PRRX2: variants seen among roughly 807,000 people sequenced by gnomAD.
The protein encoded by PRRX2 is paired mesoderm homeobox protein 2.
A neutral mutation model predicts 18.0 loss-of-function variants in PRRX2; 11 were observed. The observed-to-expected ratio is 0.61, with a 90% CI of 0.39 to 1.01. PRRX2 has a LOEUF of 1.01. Among genes scored for constraint, PRRX2 ranks in the 50% least tolerant of loss-of-function variants. PRRX2 has a pLI of 0.01. For missense variants in PRRX2, 387 were observed against 351.0 expected (o/e 1.10, Z -0.82); for synonymous variants, 177 against 154.8 (o/e 1.14, Z -1.06).
chr9:129,666,649 G>A (rs1832030266), intron 1 of PRRX2, among the ~76,000 whole-genome samples: 1 of 147,078 alleles, frequency 6.8e-6, no homozygotes, highest in Non-Finnish European at 1.5e-5. Flanking sequence ...TTCCCCGGCA[G>A]AGGTCAAAGG....
intron 1 of PRRX2, among the ~76,000 whole-genome samples, chr9:129,712,643 GA>G (rs1832640616): frequency 6.6e-6 from 1 of 152,160 alleles, no homozygotes; most frequent in Non-Finnish European, 1.5e-5. Flanking sequence ...TTAAGGAGGA[GA>G]CAGCGCGAGA....
chr9:129,719,149 G>A, intron 1 of PRRX2, 82 bp from the exon 2 acceptor site: 4 of 1,344,248 alleles, frequency 3.0e-6, no homozygotes, highest in Non-Finnish European at 3.9e-6. Context: ...AGCACTCAGA[G>A]CAAACTGCAG....
chr9:129,708,755 G>A (rs780057008), intron 1 of PRRX2, among the ~76,000 whole-genome samples: 1 of 152,126 alleles, frequency 6.6e-6, no homozygotes, highest in Non-Finnish European at 1.5e-5. Context: ...GAAGATAAAG[G>A]GACCTGGCTT....
chr9:129,720,834 T>C, intron 3 of PRRX2, 60 bp downstream of exon 3: 2 of 1,454,838 alleles, frequency 1.4e-6, no homozygotes, highest in Non-Finnish European at 1.8e-6. Flanking sequence ...CAGAGGGCTT[T>C]TCCGGCCTGG....
At chr9:129,685,787 C>A (rs994465228) in intron 1 of PRRX2, among the ~76,000 whole-genome samples, 1 of 152,232 alleles carries the variant, frequency 6.6e-6, no homozygotes, top group Non-Finnish European at 1.5e-5. Context: ...TTCATTCATT[C>A]ATCCATGCAG....
rs1832412527 is a variant in PRRX2, at chr9:129,695,734, T to C, written c.260-23497T>C. On this transcript the variant is annotated intron_variant, in intron 1 of 3. Coordinates refer to ENST00000372469, the MANE Select transcript of PRRX2 (RefSeq NM_016307.4). The surrounding 1 kb of genome is among the most constrained non-coding windows in gnomAD (Gnocchi z 4.8). ...CTTAGGCACATTCACCAGGCCATTA[T>C]GGGCCTCACTACCTTTAGGCGGGGA... Among the ~76,000 whole-genome samples, 1 of 152,242 alleles carries C rather than the reference T, an allele frequency of 6.6e-6. No homozygotes were observed. The highest frequency in any genetic ancestry group is 2.4e-5 in the African/African-American group (1 of 41,458).
intron 1 of PRRX2, among the ~76,000 whole-genome samples, chr9:129,684,532 A>ACACC (rs1165343797): frequency 7.4e-4 from 104 of 140,366 alleles, no homozygotes; most frequent in African/African-American, 2.0e-3. Context: ...ACCCACACAC[A>ACACC]CCCCAACAGA....
intron 1 of PRRX2, among the ~76,000 whole-genome samples, chr9:129,711,845 C>A (rs919382819): frequency 6.6e-6 from 1 of 152,182 alleles, no homozygotes; most frequent in East Asian, 1.9e-4. Flanking sequence ...CCATTCCTTA[C>A]TGGGGGAGGT....
intron 1 of PRRX2, among the ~76,000 whole-genome samples, chr9:129,708,119 T>A (rs959346939): frequency 7.9e-5 from 12 of 152,018 alleles, no homozygotes; most frequent in Admixed American, 3.3e-4. Flanking sequence ...CACTGCAACC[T>A]CCACCTCCCA....
intron 1 of PRRX2, among the ~76,000 whole-genome samples, chr9:129,673,805 C>T (rs2119052849): frequency 6.6e-6 from 1 of 152,274 alleles, no homozygotes; most frequent in South Asian, 2.1e-4. Context: ...CCTGTGCGGG[C>T]CAAGGGTTAA....
At chr9:129,697,404 C>T (rs911432945) in intron 1 of PRRX2, among the ~76,000 whole-genome samples, 12 of 151,680 alleles carry the variant, frequency 7.9e-5, no homozygotes, top group Non-Finnish European at 1.0e-4. Flanking sequence ...GCGCGGGCAG[C>T]GCGGGGCTGG....
chr9:129,669,516 T>A (rs1246669156), intron 1 of PRRX2, among the ~76,000 whole-genome samples: 1 of 152,132 alleles, frequency 6.6e-6, no homozygotes, highest in Non-Finnish European at 1.5e-5. Flanking sequence ...CAGGCAGGGG[T>A]GAGGCCTCTG....
intron 1 of PRRX2, among the ~76,000 whole-genome samples, chr9:129,704,642 G>A (rs1036847516): frequency 6.6e-6 from 1 of 152,224 alleles, no homozygotes; most frequent in Non-Finnish European, 1.5e-5. Context: ...CTGTGAGTGC[G>A]TGGCCGAGTC....
chr9:129,719,300 C>T lies in PRRX2; in HGVS notation c.329C>T (p.Thr110Met), dbSNP rs529534534. 35 of 1,611,044 alleles carry T rather than the reference C, an allele frequency of 2.2e-5. No individual in the cohort carries two copies. Among genetic ancestry groups the T allele is most frequent in the Admixed American group, 3.3e-5 (2 of 59,756 alleles). ...RKKKQRRNRT[T>M]FNSSQLQALE... ...AAGAAGCAGCGGCGGAACCGCACCA[C>T]GTTCAACAGCAGCCAACTGCAGGCG... Residue 110 changes from threonine (T) to methionine (M), a missense_variant, in exon 2 of 4, where the codon ACG becomes ATG. Physicochemically the swap from Thr to Met is moderately conservative, Grantham distance 81. Coordinates refer to ENST00000372469, the MANE Select transcript of PRRX2 (RefSeq NM_016307.4).
At chr9:129,720,441 C>T (rs1832774615) in intron 2 of PRRX2, among the ~76,000 whole-genome samples, 155 bp from the exon 3 acceptor site, 1 of 152,234 alleles carries the variant, frequency 6.6e-6, no homozygotes, top group African/African-American at 2.4e-5. Context: ...CAGCAGGCGT[C>T]ATTTGTCATC....
At position 129,720,673 on chromosome 9, in the gene PRRX2, C is replaced by G; in HGVS notation, c.525C>G (p.Leu175=). Residue 175 remains leucine, a synonymous_variant, in exon 3 of 4, where the codon CTC becomes CTG. Transcript: ENST00000372469. The stretch of plus-strand genomic sequence containing the variant: ...TGGCCAGCCGCTCTGCCTCGCTGCT[C>G]AAGTCCTACAGCCAGGAGGCCGCCA... The part of the protein sequence containing the change: ...AMLASRSASL[L]KSYSQEAAIE... The G allele has an allele frequency of 1.2e-6, 2 of 1,613,424 alleles. No individual in the cohort carries two copies. The highest frequency in any genetic ancestry group is 2.2e-5 in the East Asian group (1 of 44,880).
rs1383940663 is a variant in PRRX2 at position 129,671,794 on chromosome 9, C to T, written c.259+5668C>T. On this transcript the variant is annotated intron_variant, in intron 1 of 3. Coordinates refer to ENST00000372469, the MANE Select transcript of PRRX2 (RefSeq NM_016307.4). The surrounding 1 kb of genome is among the most constrained non-coding windows in gnomAD (Gnocchi z 4.0). ...AAGCAACCTGCCCGAGGCCTCACAGCTGGGAAAGGAGAGGAGGGATTTGGT... is the reference window on the plus strand; with the variant it reads ...AAGCAACCTGCCCGAGGCCTCACAGTTGGGAAAGGAGAGGAGGGATTTGGT... 6.6e-6 allele frequency among the ~76,000 whole-genome samples: 1 copy of T among 152,208 alleles called. No individual in the cohort carries two copies. Among genetic ancestry groups the T allele is most frequent in the Non-Finnish European group, 1.5e-5 (1 of 68,036 alleles).
chr9:129,687,411 A>G (rs1832310645), intron 1 of PRRX2, among the ~76,000 whole-genome samples: 3 of 152,100 alleles, frequency 2.0e-5, no homozygotes, highest in African/African-American at 7.2e-5. Context: ...CCTTCCAGGC[A>G]TCATCTCAGA....
chr9:129,685,845 C>T (rs1281061722), intron 1 of PRRX2, among the ~76,000 whole-genome samples: 1 of 152,186 alleles, frequency 6.6e-6, no homozygotes, highest in Non-Finnish European at 1.5e-5. Flanking sequence ...CTGACACAGC[C>T]CTGAGGGCGC....
Sources: gnomAD v4.1 joint callset for allele counts (sites outside exome capture counted in the v4.1 genomes callset) on GRCh38, gnomAD v4.1.1 for gene constraint, Gnocchi (gnomAD v3.1) non-coding constraint, MANE v1.5 for transcripts, NCBI Gene and HGNC (gene_info 2026-07-23, HGNC 2026-07-21) for gene names.